The following C20orf96 variants were observed in gnomAD, a reference collection of about 807,000 sequenced individuals.
C20orf96 encodes the protein chromosome 20 open reading frame 96, also known as uncharacterized protein C20orf96.
C20orf96 carries 57 observed loss-of-function variants against 52.6 expected under a neutral mutation model. The ratio of observed to expected loss-of-function variants is 1.08; its 90% CI spans 0.88 to 1.35. C20orf96 has a LOEUF of 1.35. C20orf96 is among the 40% of genes most tolerant of loss of function. The pLI is 0.00. For missense variants in C20orf96, 478 were observed against 443.6 expected (o/e 1.08, Z -0.70); for synonymous variants, 168 against 157.2 (o/e 1.07, Z -0.51).
chr20:272,996 A>G (rs2011888522), intron 10 of C20orf96, among the ~76,000 whole-genome samples: 1 of 152,188 alleles, frequency 6.6e-6, no homozygotes, highest in Non-Finnish European at 1.5e-5. Flanking sequence ...TTCTTTTAAG[A>G]AAGAGTCTTG....
intron 10 of C20orf96, among the ~76,000 whole-genome samples, chr20:274,274 CCT>C (rs1018391798): frequency 2.0e-5 from 3 of 151,986 alleles, no homozygotes; most frequent in Admixed American, 2.0e-4. Flanking sequence ...TTGCTCCTGG[CCT>C]CTCTCTGCCC....
At chr20:280,647 C>CA (rs1162379518) in intron 4 of C20orf96, among the ~76,000 whole-genome samples, 2 of 152,300 alleles carry the variant, frequency 1.3e-5, no homozygotes, top group African/African-American at 2.4e-5. Flanking sequence ...TATGCTAAAA[C>CA]AAGAACTGAG....
intron 5 of C20orf96, 39 bp from the exon 6 acceptor site, chr20:278,468 C>T (rs772319654): frequency 6.4e-7 from 1 of 1,552,008 alleles, no homozygotes; most frequent in South Asian, 1.1e-5. Flanking sequence ...ACAGGCTCTG[C>T]TGGCTCTCAG....
rs2012042695 is a variant in C20orf96, at chr20:276,865, G to C, written c.840C>G (p.Pro280=). 1 of 1,613,844 alleles carries C rather than the reference G, an allele frequency of 6.2e-7. No homozygotes were observed. The highest frequency in any genetic ancestry group is 1.7e-5 in the Admixed American group (1 of 59,982). Residue 280 remains proline (P), a synonymous_variant, in exon 9 of 11, where the codon CCC becomes CCG. Transcript: ENST00000360321. ...TCTTCTGTAGGAGAGCCTCTTCATA[G>C]GGACGCTGGGTTTCCTGTGGAGGAA... ...LSSVVAETQR[P]YEEALLQKMW...
chr20:271,467 C>CAT (rs2011838630), intron 10 of C20orf96, among the ~76,000 whole-genome samples, 200 bp from the exon 11 acceptor site: 2 of 150,458 alleles, frequency 1.3e-5, no homozygotes, highest in African/African-American at 5.0e-5. Context: ...CACACACACA[C>CAT]ACACACACAC....
chr20:272,118 A>T (rs76757504), intron 10 of C20orf96, among the ~76,000 whole-genome samples: 10 of 151,928 alleles, frequency 6.6e-5, no homozygotes, highest in African/African-American at 9.7e-5. Flanking sequence ...AAAAAAAAAA[A>T]TTTCTAAATC....
intron 10 of C20orf96, among the ~76,000 whole-genome samples, chr20:274,056 AAAAG>A (rs965396838): frequency 1.4e-4 from 21 of 151,952 alleles, no homozygotes; most frequent in African/African-American, 4.8e-4. Context: ...GAAAGAAAAG[AAAAG>A]AAAAAAGAAA....
chr20:273,382 C>T (rs558265571), intron 10 of C20orf96, among the ~76,000 whole-genome samples: 1 of 152,308 alleles, frequency 6.6e-6, no homozygotes, highest in Admixed American at 6.5e-5. Context: ...CAGGGCACTG[C>T]ATGGAGGTCC....
rs1568488172 is a variant in C20orf96, at chr20:271,008, G to A, written c.*199C>T. On this transcript the variant is annotated 3_prime_UTR_variant, in exon 11 of 11. Coordinates refer to ENST00000360321, the MANE Select transcript of C20orf96 (RefSeq NM_153269.3). The stretch of plus-strand genomic sequence containing the variant: ...AAAGAAAGGAGGGAGGGAGGGAGAG[G>A]AGGAAGGAAGGAGGAGGGAAGGGAA... 1 of 522,782 alleles carries A rather than the reference G, an allele frequency of 1.9e-6. No individual in the cohort carries two copies. Among genetic ancestry groups the A allele is most frequent in the Admixed American group, 3.7e-5 (1 of 26,836 alleles). 32.4% of individuals were successfully genotyped at this position (522,782 alleles called of 1,614,324 possible). A position where few individuals can be genotyped will look rare whatever the true frequency, so the allele number is the denominator to read the frequency against.
At position 279,153 on chromosome 20, in the gene C20orf96, C is replaced by T. The variant is rs371513505; in HGVS notation, c.465+19G>A. On this transcript the variant is annotated intron_variant, in intron 5 of 10. Transcript: ENST00000360321. ...TTGGGACGGAGGGACGGAGGGCGGG[C>T]GGATGCCGCGGGTCTCACCGCCAGG... 4 of 1,548,228 alleles carry T rather than the reference C, an allele frequency of 2.6e-6. No individual in the cohort carries two copies. Among genetic ancestry groups the T allele is most frequent in the Admixed American group, 1.8e-5 (1 of 54,706 alleles).
chr20:274,608 A>G (rs980539540), intron 10 of C20orf96, among the ~76,000 whole-genome samples: 5 of 152,042 alleles, frequency 3.3e-5, no homozygotes, highest in African/African-American at 1.2e-4. Flanking sequence ...GTTCAGGTAA[A>G]GACAAGTGAC....
intron 10 of C20orf96, among the ~76,000 whole-genome samples, chr20:274,124 G>A (rs144199291): frequency 6.6e-5 from 10 of 152,058 alleles, no homozygotes; most frequent in Admixed American, 1.3e-4. Context: ...GCTTTTTAAC[G>A]CGATCTCCAG....
intron 4 of C20orf96, among the ~76,000 whole-genome samples, chr20:280,907 C>T (rs1324124030): frequency 6.6e-6 from 1 of 152,184 alleles, no homozygotes; most frequent in African/African-American, 2.4e-5. Flanking sequence ...GTAATCCCAA[C>T]ACTTTGCGAG....
intron 3 of C20orf96, 69 bp from the exon 4 acceptor site, chr20:284,150 A>G: frequency 1.7e-5 from 20 of 1,174,830 alleles, no homozygotes; most frequent in Non-Finnish European, 2.6e-5. Context: ...GGTTCCCGGG[A>G]GTGCACCATT....
At chr20:283,475 T>C (rs1403906973) in intron 4 of C20orf96, among the ~76,000 whole-genome samples, 1 of 152,080 alleles carries the variant, frequency 6.6e-6, no homozygotes, top group Non-Finnish European at 1.5e-5. Context: ...AGCTAATTTT[T>C]GTAGTTTGAG....
chr20:290,721 C>G lies in C20orf96; in HGVS notation c.-111G>C. 1 of 1,337,778 alleles carries G rather than the reference C, an allele frequency of 7.5e-7. No individual in the cohort carries two copies. Among genetic ancestry groups the G allele is most frequent in the Non-Finnish European group, 1.0e-6 (1 of 954,934 alleles). 82.9% of individuals were successfully genotyped at this position (1,337,778 alleles called of 1,614,324 possible). ...GTGTAGATCGCGCGGTAACCCAGGC[C>G]ACTCAGAAGTCCCGAGACCCGATGC... On this transcript the variant is annotated 5_prime_UTR_variant, in exon 1 of 11. Transcript: ENST00000360321.
chr20:271,473 CACACACAT>C (rs1020406449), intron 10 of C20orf96, among the ~76,000 whole-genome samples: 18 of 149,656 alleles, frequency 1.2e-4, no homozygotes, highest in African/African-American at 4.3e-4. Context: ...CACACACACA[CACACACAT>C]ACACACACAT....
chr20:280,129 C>T (rs1600187951), intron 4 of C20orf96, among the ~76,000 whole-genome samples: 2 of 152,210 alleles, frequency 1.3e-5, no homozygotes, highest in Middle Eastern at 6.8e-3. Context: ...CACAACAGCC[C>T]CCAGTGGAAC....
At chr20:284,587 G>T (rs544048034) in intron 3 of C20orf96, among the ~76,000 whole-genome samples, 1 of 152,248 alleles carries the variant, frequency 6.6e-6, no homozygotes, top group African/African-American at 2.4e-5. Context: ...CAGGCATGGC[G>T]GCTCACGCCT....
Sources: gnomAD v4.1 joint callset for allele counts (sites outside exome capture counted in the v4.1 genomes callset) on GRCh38, gnomAD v4.1.1 for gene constraint, MANE v1.5 for transcripts, NCBI Gene and HGNC (gene_info 2026-07-23, HGNC 2026-07-21) for gene names.